The following SLC5A5 variants were observed in gnomAD, a reference collection of about 807,000 sequenced individuals.
The protein encoded by SLC5A5 is solute carrier family 5 member 5, also known as sodium/iodide cotransporter.
SLC5A5 carries 56 observed loss-of-function variants against 68.6 expected under a neutral mutation model. The ratio of observed to expected loss-of-function variants is 0.82; its 90% confidence interval spans 0.66 to 1.02. SLC5A5 has a LOEUF of 1.02. SLC5A5 is among the 50% of genes least tolerant of loss of function. SLC5A5 has a pLI of 0.00. For synonymous variants in SLC5A5, 398 were observed against 373.0 expected (o/e 1.07, Z -0.77); for missense variants, 807 against 859.8 (o/e 0.94, Z 0.77).
At chr19:17,877,538 C>T (rs1480868219) in intron 5 of SLC5A5, among the ~76,000 whole-genome samples, 185 bp from the exon 6 acceptor site, 1 of 152,116 alleles carries the variant, frequency 6.6e-6, no homozygotes, top group East Asian at 1.9e-4. Context: ...TGAACTGTGA[C>T]CTCAGGTGAT....
chr19:17,889,445 A>AAGGAAGGAAGGAAG (rs2030072273), intron 13 of SLC5A5, among the ~76,000 whole-genome samples: 2 of 113,124 alleles, frequency 1.8e-5, no homozygotes, highest in African/African-American at 1.3e-4. Flanking sequence ...AAGGAAGGAA[A>AAGGAAGGAAGGAAG]GAGAAAGAGA....
intron 13 of SLC5A5, among the ~76,000 whole-genome samples, chr19:17,889,326 G>T (rs1341508238): frequency 6.6e-6 from 1 of 151,888 alleles, no homozygotes; most frequent in East Asian, 1.9e-4. Context: ...TTGATCCTGG[G>T]AGATGGAGGT....
rs150174766 is a variant in SLC5A5, at chr19:17,877,779, C to T, written c.755C>T (p.Thr252Met). The T allele has an allele frequency of 4.0e-5, 65 of 1,614,200 alleles. No homozygotes were observed. In the African/African-American group the frequency reaches 6.7e-4, roughly 17 times the overall value. Residue 252 changes from threonine to methionine, a missense_variant, in exon 6 of 15, where the codon ACG becomes ATG. Physicochemically the swap from Thr to Met is moderately conservative, Grantham distance 81 (BLOSUM62 -1). Coordinates refer to ENST00000222248, the MANE Select transcript of SLC5A5 (RefSeq NM_000453.3). ...TTCTGGACTTTTGTGGTGGGTGGCA[C>T]GTTGGTGTGGCTCTCCATGTATGGC... Reference protein sequence around the residue: ...YTFWTFVVGGTLVWLSMYGVN... With the variant: ...YTFWTFVVGGMLVWLSMYGVN...
chr19:17,876,348 G>T (rs985732969), intron 5 of SLC5A5, among the ~76,000 whole-genome samples: 1 of 151,232 alleles, frequency 6.6e-6, no homozygotes, highest in African/African-American at 2.4e-5. Flanking sequence ...GATTGCTTGA[G>T]CCCGGTAGGT....
Position 17,878,069 on chromosome 19 carries a change from G to T in SLC5A5, c.945G>T (p.Leu315=), listed in dbSNP as rs762571575. The change falls in exon 7 of 15, where the codon CTG becomes CTT. Residue 315 remains leucine (L), a synonymous_variant. Transcript: ENST00000222248. ...ACACTGACTGCGACCCTCTCCTCCTGGGGCGCATCTCTGCCCCAGACCAGG... is the reference window on the plus strand; with the variant it reads ...ACACTGACTGCGACCCTCTCCTCCTTGGGCGCATCTCTGCCCCAGACCAGG... ...VFYTDCDPLL[L]GRISAPDQYM... is the part of the protein sequence containing the mutation. 6.2e-7 allele frequency: 1 copy of T among 1,612,172 alleles called. No homozygotes were observed. The highest frequency in any genetic ancestry group is 8.5e-7 in the Non-Finnish European group (1 of 1,180,016).
chr19:17,885,339 A>T (rs1358057873), intron 12 of SLC5A5, among the ~76,000 whole-genome samples: 1 of 151,104 alleles, frequency 6.6e-6, no homozygotes, highest in African/African-American at 2.4e-5. Context: ...TTATTTATTT[A>T]TTTATTTATT....
In SLC5A5 at chr19:17,872,313, C is replaced by G; in HGVS notation, c.-7C>G. 2 of 1,572,130 alleles carry G rather than the reference C, an allele frequency of 1.3e-6. No homozygotes were observed. Among genetic ancestry groups the G allele is most frequent in the Non-Finnish European group, 1.7e-6 (2 of 1,160,024 alleles). On this transcript the variant is annotated 5_prime_UTR_variant, in exon 1 of 15. Transcript: ENST00000222248. Reference sequence around the variant, plus strand: ...CGAGGACGCGCTGGGCCTCCGCACCCGCCCTCATGGAGGCCGTGGAGACCG... The same window carrying G: ...CGAGGACGCGCTGGGCCTCCGCACCGGCCCTCATGGAGGCCGTGGAGACCG...
At chr19:17,872,907 G>A (rs77277498) in intron 1 of SLC5A5, among the ~76,000 whole-genome samples, 6 of 152,176 alleles carry the variant, frequency 3.9e-5, no homozygotes, top group Non-Finnish European at 8.8e-5. Flanking sequence ...CTGCTCCTTC[G>A]GTGGAAGCGC....
rs867715650 is a variant in SLC5A5, at chr19:17,888,960, G to C, written c.1651+505G>C. The stretch of plus-strand genomic sequence containing the variant: ...TAAAAGGAAAAAAAAAGTTTGTGAG[G>C]AAAAAAGAAGTGTGTGTGTATATAT... On this transcript the variant is annotated intron_variant, in intron 13 of 14. Coordinates refer to ENST00000222248, the MANE Select transcript of SLC5A5 (RefSeq NM_000453.3). Among the ~76,000 whole-genome samples, 6 of 139,784 alleles carry C rather than the reference G, an allele frequency of 4.3e-5. No individual in the cohort carries two copies. In the South Asian group the frequency reaches 1.3e-3, roughly 30 times the overall value. 91.7% of individuals were successfully genotyped at this position (139,784 alleles called of 152,430 possible). A position where few individuals can be genotyped will look rare whatever the true frequency, so the allele number is the denominator to read the frequency against.
chr19:17,883,526 G>T (rs893496929), intron 10 of SLC5A5, among the ~76,000 whole-genome samples, 155 bp from the exon 11 acceptor site: 1 of 152,000 alleles, frequency 6.6e-6, no homozygotes, highest in African/African-American at 2.4e-5. Context: ...GGAACAAGGG[G>T]GGGGGGTCCT....
rs2094301579 is a variant in SLC5A5 at position 17,874,348 on chromosome 19, C to T, written c.423+145C>T. ...CGCCCCCATCAGTCCCCTCCCACACCACAGCCGGCCTGACCCCGCCTGCAC... is the reference window on the plus strand; with the variant it reads ...CGCCCCCATCAGTCCCCTCCCACACTACAGCCGGCCTGACCCCGCCTGCAC... On this transcript the variant is annotated intron_variant, in intron 2 of 14. Coordinates refer to ENST00000222248, the MANE Select transcript of SLC5A5 (RefSeq NM_000453.3). The T allele has an allele frequency of 8.7e-6, 8 of 923,948 alleles. No homozygotes were observed. The South Asian group carries it at 9.2e-5, about 11-fold the overall frequency. 57.2% of individuals were successfully genotyped at this position (923,948 alleles called of 1,614,324 possible). A position where few individuals can be genotyped will look rare whatever the true frequency, so the allele number is the denominator to read the frequency against.
rs772763011 is a variant in SLC5A5 at position 17,894,143 on chromosome 19, CTTTTT to C, written c.*284_*288del. The C allele has an allele frequency of 2.8e-3, 721 of 261,438 alleles. No homozygotes were observed. Among genetic ancestry groups the C allele is most frequent in the South Asian group, 5.4e-3 (148 of 27,632 alleles). The allele number at this position is 261,438 out of a possible 1,614,324, so 16.2% of individuals were successfully genotyped here. On this transcript the variant is annotated 3_prime_UTR_variant, in exon 15 of 15. Coordinates refer to ENST00000222248, the MANE Select transcript of SLC5A5 (RefSeq NM_000453.3). ...AATAAGGCTGGGTTTTTCTCTCTCT[CTTTTT>C]TTTTTTTTTTTTTTTTTGAGACAGG...
intron 2 of SLC5A5, 134 bp from the exon 3 acceptor site, chr19:17,874,360 G>A: frequency 1.0e-6 from 1 of 972,660 alleles, no homozygotes; most frequent in South Asian, 1.3e-5. Flanking sequence ...CAGCCGGCCT[G>A]ACCCCGCCTG....
rs1368928380 is a variant in SLC5A5, at chr19:17,878,974, C to CAAAA, written c.969+892_969+895dup. ...TGGGTGACAGAGAGAGACTCCATCT[C>CAAAA]AAAAAAAAAAAAAACAAAAAAAAAA... On this transcript the variant is annotated intron_variant, in intron 7 of 14. Transcript: ENST00000222248. 1.7e-4 allele frequency among the ~76,000 whole-genome samples: 8 copies of CAAAA among 47,928 alleles called. 1 individual carries two copies. The highest frequency in any genetic ancestry group is 3.0e-4 in the Non-Finnish European group (8 of 26,856). The allele number at this position is 47,928 out of a possible 152,430, so 31.4% of individuals were successfully genotyped here. A position where few individuals can be genotyped will look rare whatever the true frequency, so the allele number is the denominator to read the frequency against.
At chr19:17,882,312 G>C (rs1473072468) in intron 10 of SLC5A5, 93 bp downstream of exon 10, 7 of 987,316 alleles carry the variant, frequency 7.1e-6, no homozygotes, top group African/African-American at 3.2e-5. Context: ...GAGGTCACAT[G>C]TGTCAGTGGC....
At chr19:17,877,664 T>TC (rs2094310515) in intron 5 of SLC5A5, 59 bp from the exon 6 acceptor site, 9 of 1,608,106 alleles carry the variant, frequency 5.6e-6, no homozygotes, top group Non-Finnish European at 7.6e-6. Context: ...CTGGGGCCCT[T>TC]GGGAGGGTGA....
Position 17,872,494 on chromosome 19 carries a change from G to T in SLC5A5, c.175G>T (p.Val59Leu). ...GGGCCGGCGCCTGGCGGCCCTGCCC[G>T]TGGGCCTGTCGCTGTCTGCCAGCTT... is the stretch of plus-strand genomic sequence containing the variant. ...TGGRRLAALP[V>L]GLSLSASFMS... Residue 59 changes from valine (V) to leucine (L), a missense_variant, in exon 1 of 15, where the codon GTG (valine) becomes TTG (leucine). Transcript: ENST00000222248. 1.2e-6 allele frequency: 2 copies of T among 1,612,388 alleles called. No homozygotes were observed. The highest frequency in any genetic ancestry group is 2.2e-5 in the South Asian group (2 of 91,038).
rs146477312 is a variant in SLC5A5, at chr19:17,890,950, A to G, written c.1716A>G (p.Ala572=). The change falls in exon 14 of 15, where the codon GCA becomes GCG. Residue 572 remains alanine (A), a synonymous_variant. Coordinates refer to ENST00000222248, the MANE Select transcript of SLC5A5 (RefSeq NM_000453.3). ...LLWWDLARQT[A]SVAPKEEVAI... ...GGTGGGACCTCGCACGGCAGACAGC[A>G]TCAGTGGCCCCCAAGGAAGAAGTGG... 1.2e-5 allele frequency: 19 copies of G among 1,614,128 alleles called. No homozygotes were observed. Among genetic ancestry groups the G allele is most frequent in the Non-Finnish European group, 1.5e-5 (18 of 1,179,998 alleles).
In SLC5A5 at chr19:17,883,066, C is replaced by T. The variant is rs143412087; in HGVS notation, c.1243-615C>T. On this transcript the variant is annotated intron_variant, in intron 10 of 14. Coordinates refer to ENST00000222248, the MANE Select transcript of SLC5A5 (RefSeq NM_000453.3). ...AACTCCTGACCTCAAGTGATCCACC[C>T]GCCTCTGCCTCCCAAAGTGTTGGGA... is the stretch of plus-strand genomic sequence containing the variant. Among the ~76,000 whole-genome samples the T allele has an allele frequency of 6.0e-3, 915 of 152,030 alleles. 8 individuals are homozygous for T. Among genetic ancestry groups the T allele is most frequent in the African/African-American group, 0.02 (831 of 41,478 alleles).
Sources: allele counts gnomAD v4.1 joint callset (sites outside exome capture counted in the v4.1 genomes callset), GRCh38; gene constraint gnomAD v4.1.1; transcripts MANE v1.5; gene names NCBI Gene and HGNC (gene_info 2026-07-23, HGNC 2026-07-21).